Variants in CNTNAP5 observed in about 807,000 individuals in gnomAD.
The protein encoded by CNTNAP5 is contactin-associated protein-like 5.
In CNTNAP5, 72 loss-of-function variants were observed where a neutral mutation model predicts 150.2. The ratio of observed to expected loss-of-function variants is 0.48; its 90% CI spans 0.40 to 0.58. The LOEUF (loss-of-function observed/expected upper bound fraction) is 0.58. CNTNAP5 is among the 20% of genes least tolerant of loss of function. The probability of loss-of-function intolerance (pLI) is 0.00; values close to 1 mark genes in which losing one functional copy is unlikely to be tolerated. For missense variants in CNTNAP5, 1,636 were observed against 1,626.2 expected (o/e 1.01, Z -0.10); for synonymous variants, 672 against 619.8 (o/e 1.08, Z -1.25).
intron 8 of CNTNAP5, among the ~76,000 whole-genome samples, chr2:124,516,965 G>C (rs565756061): frequency 6.6e-6 from 1 of 152,280 alleles, no homozygotes; most frequent in South Asian, 2.1e-4. Context: ...TGAGCCAAGG[G>C]AAGATTTCCA....
chr2:124,306,620 A>G (rs1327015927), intron 3 of CNTNAP5, among the ~76,000 whole-genome samples: 3 of 151,570 alleles, frequency 2.0e-5, no homozygotes, highest in African/African-American at 7.3e-5. Context: ...AGGTGCTATC[A>G]CCAGAACGAG....
chr2:124,202,898 C>T (rs1685765201), intron 1 of CNTNAP5, among the ~76,000 whole-genome samples: 1 of 152,100 alleles, frequency 6.6e-6, no homozygotes, highest in South Asian at 2.1e-4. Flanking sequence ...AGGACACAGC[C>T]AGACCACATC....
chr2:124,883,249 A>G (rs1678004621), intron 21 of CNTNAP5, among the ~76,000 whole-genome samples: 1 of 151,842 alleles, frequency 6.6e-6, no homozygotes, highest in Admixed American at 6.6e-5. Flanking sequence ...TTGTATAGAG[A>G]TGGGCTTTCA....
rs567884197 is a variant in CNTNAP5, at chr2:124,123,590, C to T, written c.82+97858C>T. 1.3e-4 allele frequency among the ~76,000 whole-genome samples: 20 copies of T among 152,266 alleles called. 1 individual carries two copies. The highest frequency in any genetic ancestry group is 6.2e-4 in the South Asian group (3 of 4,824). ...CAACATGGAGTTTGAGATATGAGAACGGACAGAATGCCTCCTCAAGTGGGT... is the reference window on the plus strand; with the variant it reads ...CAACATGGAGTTTGAGATATGAGAATGGACAGAATGCCTCCTCAAGTGGGT... On this transcript the variant is annotated intron_variant, in intron 1 of 23. Coordinates refer to ENST00000682447, the MANE Select transcript of CNTNAP5 (RefSeq NM_001367498.1).
intron 19 of CNTNAP5, among the ~76,000 whole-genome samples, chr2:124,814,552 A>G (rs906102444): frequency 8.5e-5 from 13 of 152,064 alleles, no homozygotes; most frequent in African/African-American, 3.1e-4. Flanking sequence ...GAAATTGCTT[A>G]AGAGCTTCTT....
intron 3 of CNTNAP5, among the ~76,000 whole-genome samples, chr2:124,390,423 C>T (rs1487225093): frequency 2.0e-5 from 3 of 152,196 alleles, no homozygotes; most frequent in Non-Finnish European, 4.4e-5. Flanking sequence ...TGACAGCCCA[C>T]CTGTCCCTGC....
At chr2:124,364,351 A>G (rs1344591565) in intron 3 of CNTNAP5, among the ~76,000 whole-genome samples, 3 of 152,094 alleles carry the variant, frequency 2.0e-5, no homozygotes, top group Admixed American at 6.6e-5. Flanking sequence ...TGCGTTTGCA[A>G]TGAACCTCTT....
chr2:124,279,247 G>C (rs1293711564), intron 3 of CNTNAP5, among the ~76,000 whole-genome samples: 3 of 145,698 alleles, frequency 2.1e-5, no homozygotes, highest in Admixed American at 6.9e-5. Context: ...GTGTGTGTGT[G>C]TCTGTGTGTG....
At chr2:124,324,559 C>A (rs979666053) in intron 3 of CNTNAP5, among the ~76,000 whole-genome samples, 1 of 152,140 alleles carries the variant, frequency 6.6e-6, no homozygotes, top group Middle Eastern at 3.4e-3. Flanking sequence ...TTTGGAGGGA[C>A]GGGTAAAAAG....
intron 13 of CNTNAP5, among the ~76,000 whole-genome samples, chr2:124,723,085 T>C (rs1261974673): frequency 1.3e-5 from 2 of 152,206 alleles, no homozygotes; most frequent in East Asian, 3.9e-4. Context: ...TTTTTGGCAA[T>C]ATGGACAGGC....
chr2:124,076,904 T>C (rs1311387036), intron 1 of CNTNAP5, among the ~76,000 whole-genome samples: 1 of 151,980 alleles, frequency 6.6e-6, no homozygotes, highest in Non-Finnish European at 1.5e-5. Context: ...AATCTCCCTA[T>C]AAAAAACAGC....
At position 124,236,119 on chromosome 2, in the gene CNTNAP5, C is replaced by A. The variant is rs115613028; in HGVS notation, c.188-6081C>A. Among the ~76,000 whole-genome samples, 580 of 152,172 alleles carry A rather than the reference C, an allele frequency of 3.8e-3. 5 individuals carry two copies. Among genetic ancestry groups the A allele is most frequent in the African/African-American group, 0.013 (560 of 41,532 alleles). On this transcript the variant is annotated intron_variant, in intron 2 of 23. Transcript: ENST00000682447. ...TAGCTGGGATTACAGGCACACATCACCATGCCCTGTTAATTTTTGTATTTT... is the reference window on the plus strand; with the variant it reads ...TAGCTGGGATTACAGGCACACATCAACATGCCCTGTTAATTTTTGTATTTT...
chr2:124,047,478 A>G (rs749633826), intron 1 of CNTNAP5, among the ~76,000 whole-genome samples: 12 of 152,240 alleles, frequency 7.9e-5, no homozygotes, highest in Middle Eastern at 3.2e-3. Flanking sequence ...CCCATTCAAC[A>G]TCACTTCACA....
intron 12 of CNTNAP5, among the ~76,000 whole-genome samples, chr2:124,628,366 C>G (rs1349495641): frequency 6.6e-6 from 1 of 152,198 alleles, no homozygotes; most frequent in Non-Finnish European, 1.5e-5. Flanking sequence ...CAGTGGACCT[C>G]TCAGTAGAAA....
chr2:124,417,521 T>C lies in CNTNAP5; in HGVS notation c.460T>C (p.Phe154Leu). The C allele has an allele frequency of 6.2e-7, 1 of 1,613,820 alleles. No individual in the cohort carries two copies. The highest frequency in any genetic ancestry group is 8.5e-7 in the Non-Finnish European group (1 of 1,179,838). ...LHSVRARFVR[F>L]VPLEWNPSGK... The stretch of plus-strand genomic sequence containing the variant: ...CTCAGTGAGAGCCCGATTTGTTCGC[T>C]TTGTGCCCCTGGAATGGAATCCCAG... The change falls in exon 4 of 24, where the codon TTT becomes CTT. Residue 154 changes from phenylalanine to leucine, a missense_variant. Coordinates refer to ENST00000682447, the MANE Select transcript of CNTNAP5 (RefSeq NM_001367498.1).
chr2:124,424,948 T>C (rs1489672662), intron 4 of CNTNAP5, among the ~76,000 whole-genome samples: 1 of 152,214 alleles, frequency 6.6e-6, no homozygotes, highest in African/African-American at 2.4e-5. Context: ...CAGTATGTGA[T>C]TTGACTGGCG....
At chr2:124,057,448 A>ATTCTT (rs1681883156) in intron 1 of CNTNAP5, among the ~76,000 whole-genome samples, 1 of 62,826 alleles carries the variant, frequency 1.6e-5, no homozygotes, top group Non-Finnish European at 2.7e-5. Flanking sequence ...CGGCCAGCTA[A>ATTCTT]TTTTTTTTTT....
At chr2:124,809,305 A>C (rs1224709817) in intron 19 of CNTNAP5, among the ~76,000 whole-genome samples, 1 of 152,206 alleles carries the variant, frequency 6.6e-6, no homozygotes, top group Non-Finnish European at 1.5e-5. Flanking sequence ...GTGATGCAAG[A>C]GACACAAGAA....
intron 6 of CNTNAP5, among the ~76,000 whole-genome samples, chr2:124,462,036 C>T (rs558467996): frequency 1.4e-4 from 21 of 151,188 alleles, no homozygotes; most frequent in Admixed American, 1.2e-3. Context: ...TTTGTTTAAC[C>T]ACCCAAAACA....
Sources: allele counts gnomAD v4.1 joint callset (sites outside exome capture counted in the v4.1 genomes callset), GRCh38; gene constraint gnomAD v4.1.1; transcripts MANE v1.5; gene names NCBI Gene and HGNC (gene_info 2026-07-23, HGNC 2026-07-21).